The following CADM1 variants were observed in gnomAD, a reference collection of about 807,000 sequenced individuals.
CADM1 encodes the protein cell adhesion molecule 1, also known as TSLC-1.
A neutral mutation model predicts 53.1 loss-of-function variants in CADM1; 15 were observed. The observed-to-expected ratio is 0.28, with a 90% confidence interval of 0.19 to 0.44. CADM1 has a LOEUF of 0.44. CADM1 is among the 20% of genes least tolerant of loss of function. The pLI, the probability that CADM1 is intolerant of heterozygous loss-of-function variation, is 1.00. For synonymous variants in CADM1, 281 were observed against 243.0 expected (o/e 1.16, Z -1.45); for missense variants, 434 against 611.3 (o/e 0.71, Z 3.06).
intron 9 of CADM1, chr11:115,193,893 A>G (rs1483832604): frequency 6.6e-6 from 1 of 152,142 alleles, no homozygotes; most frequent in African/African-American, 2.4e-5. Context: ...TACTTCCACC[A>G]CCAGCCATGA....
At chr11:115,303,078 C>CA (rs1463542667) in intron 1 of CADM1, among the ~76,000 whole-genome samples, 5 of 152,178 alleles carry the variant, frequency 3.3e-5, no homozygotes, top group African/African-American at 1.2e-4. Context: ...CCTCATCCCC[C>CA]AAAAGGGGGG....
At chr11:115,260,740 T>C (rs1165531217) in intron 1 of CADM1, among the ~76,000 whole-genome samples, 1 of 152,192 alleles carries the variant, frequency 6.6e-6, no homozygotes, top group African/African-American at 2.4e-5. Context: ...TGGCACGATC[T>C]TGGCTCACTG....
intron 1 of CADM1, among the ~76,000 whole-genome samples, chr11:115,313,535 C>A (rs1282056178): frequency 1.3e-5 from 2 of 152,106 alleles, no homozygotes; most frequent in Non-Finnish European, 2.9e-5. Context: ...ACTAGCTTTA[C>A]AATATAAAGC....
intron 1 of CADM1, among the ~76,000 whole-genome samples, chr11:115,361,800 T>C (rs893133977): frequency 8.5e-5 from 13 of 152,058 alleles, no homozygotes; most frequent in African/African-American, 3.1e-4. Context: ...AATCATGCCT[T>C]ATTGCAGCCT....
At chr11:115,325,976 A>T (rs765101958) in intron 1 of CADM1, among the ~76,000 whole-genome samples, 2 of 152,204 alleles carry the variant, frequency 1.3e-5, no homozygotes, top group African/African-American at 4.8e-5. Flanking sequence ...AAGAATTTCT[A>T]TTATCCCAGT....
chr11:115,435,541 T>A (rs2135308263), intron 1 of CADM1, among the ~76,000 whole-genome samples: 1 of 152,242 alleles, frequency 6.6e-6, no homozygotes, highest in Non-Finnish European at 1.5e-5. Context: ...GAGACCAGCC[T>A]GACCAACATG....
intron 1 of CADM1, among the ~76,000 whole-genome samples, chr11:115,445,258 A>C (rs149518215): frequency 2.0e-4 from 31 of 152,212 alleles, no homozygotes; most frequent in African/African-American, 7.2e-4. Flanking sequence ...GAACTAAGCA[A>C]TATAACATAG....
chr11:115,405,601 TAAAC>T (rs1231574875), intron 1 of CADM1, among the ~76,000 whole-genome samples: 3 of 152,002 alleles, frequency 2.0e-5, no homozygotes, highest in African/African-American at 7.3e-5. Context: ...AATAAATAAA[TAAAC>T]AGCGATATTC....
rs1941904586 is a variant in CADM1 at position 115,233,625 on chromosome 11, A to G, written c.425-2135T>C. Among the ~76,000 whole-genome samples, 4 of 152,360 alleles carry G rather than the reference A, an allele frequency of 2.6e-5. No homozygotes were observed. In the South Asian group the frequency reaches 8.3e-4, roughly 32 times the overall value. Reference sequence around the variant, plus strand: ...GTCAGAGGAAAAGCCTAAAGAAAATAAGACCTTAAAGAGTGGTATAAGAAA... The same window carrying G: ...GTCAGAGGAAAAGCCTAAAGAAAATGAGACCTTAAAGAGTGGTATAAGAAA... On this transcript the variant is annotated intron_variant, in intron 3 of 11. Coordinates refer to ENST00000331581, the MANE Select transcript of CADM1 (RefSeq NM_001301043.2).
At chr11:115,261,829 G>GAGTGC (rs1259959022) in intron 1 of CADM1, among the ~76,000 whole-genome samples, 1 of 151,312 alleles carries the variant, frequency 6.6e-6, no homozygotes, top group African/African-American at 2.4e-5. Flanking sequence ...GCCCAGGCTG[G>GAGTGC]AGTGCAGTGG....
At chr11:115,259,552 C>T (rs1015515785) in intron 1 of CADM1, among the ~76,000 whole-genome samples, 24 of 151,978 alleles carry the variant, frequency 1.6e-4, no homozygotes, top group African/African-American at 4.1e-4. Flanking sequence ...GTGATCCACC[C>T]GCCTCGGCCT....
chr11:115,445,061 G>C (rs1188708523), intron 1 of CADM1, among the ~76,000 whole-genome samples: 2 of 152,132 alleles, frequency 1.3e-5, no homozygotes, highest in Non-Finnish European at 2.9e-5. Flanking sequence ...TGCTCATCCT[G>C]ATCTCAGAAC....
chr11:115,254,495 G>T (rs964940504), intron 1 of CADM1, among the ~76,000 whole-genome samples: 1 of 151,594 alleles, frequency 6.6e-6, no homozygotes, highest in Non-Finnish European at 1.5e-5. Flanking sequence ...GACCTAGAGT[G>T]CTAATAGAGA....
rs574407393 is a variant in CADM1, at chr11:115,253,350, GA to G, written c.125-12931del. Among the ~76,000 whole-genome samples, 244 of 152,244 alleles carry G rather than the reference GA, an allele frequency of 1.6e-3. 2 individuals carry two copies. Among genetic ancestry groups the G allele is most frequent in the African/African-American group, 5.8e-3 (239 of 41,546 alleles). On this transcript the variant is annotated intron_variant, in intron 1 of 11. Coordinates refer to ENST00000331581, the MANE Select transcript of CADM1 (RefSeq NM_001301043.2). The stretch of plus-strand genomic sequence containing the variant: ...CTTTGAGAAAGCTATCAGGTATTGA[GA>G]CCTTTCCTGCTTTCTAATGAGTTCC...
At chr11:115,266,129 G>A (rs1374799426) in intron 1 of CADM1, among the ~76,000 whole-genome samples, 2 of 152,182 alleles carry the variant, frequency 1.3e-5, no homozygotes, top group African/African-American at 2.4e-5. Flanking sequence ...AGCCTTACCC[G>A]CCAGCATTCA....
intron 10 of CADM1, among the ~76,000 whole-genome samples, chr11:115,182,193 G>A (rs770583587): frequency 5.3e-5 from 8 of 152,124 alleles, no homozygotes; most frequent in African/African-American, 1.7e-4. Context: ...GGCAGGCAAC[G>A]AAACCAGAGG....
chr11:115,247,870 C>G (rs913147163), intron 1 of CADM1, among the ~76,000 whole-genome samples: 1 of 152,196 alleles, frequency 6.6e-6, no homozygotes, highest in Admixed American at 6.5e-5. Context: ...CAATTCCGCC[C>G]TCAACTTACA....
intron 1 of CADM1, among the ~76,000 whole-genome samples, chr11:115,286,804 A>G (rs1943740442): frequency 6.6e-6 from 1 of 152,208 alleles, no homozygotes; most frequent in Admixed American, 6.5e-5. Context: ...AGGGAAAGGA[A>G]GAAGCAGGGG....
At chr11:115,233,509 G>A (rs1941899547) in intron 3 of CADM1, among the ~76,000 whole-genome samples, 1 of 152,142 alleles carries the variant, frequency 6.6e-6, no homozygotes, top group Admixed American at 6.5e-5. Flanking sequence ...GGGATACACA[G>A]AGAGACTAGA....
Sources: gnomAD v4.1 joint callset for allele counts (sites outside exome capture counted in the v4.1 genomes callset) on GRCh38, gnomAD v4.1.1 for gene constraint, MANE v1.5 for transcripts, NCBI Gene and HGNC (gene_info 2026-07-23, HGNC 2026-07-21) for gene names.